SYTL2: variants seen among roughly 807,000 people sequenced by gnomAD.
SYTL2 encodes the protein synaptotagmin-like protein 2.
Under a neutral mutation model 198.7 loss-of-function variants are expected in SYTL2, and 165 were observed. The ratio of observed to expected loss-of-function variants is 0.83; its 90% CI spans 0.73 to 0.94. The LOEUF (loss-of-function observed/expected upper bound fraction) is 0.94. Among genes scored for constraint, SYTL2 ranks in the 40% least tolerant of loss-of-function variants. The probability of loss-of-function intolerance (pLI) is 0.00; values close to 1 mark genes in which losing one functional copy is unlikely to be tolerated. For missense variants in SYTL2, 2,835 were observed against 2,582.8 expected, an observed-to-expected ratio of 1.10 and a Z score of -2.12; for synonymous variants, 966 against 917.7, an observed-to-expected ratio of 1.05 and a Z score of -0.95.
chr11:85,816,236 T>C, the SYTL2 span, among the ~76,000 whole-genome samples: 5 of 152,262 alleles, frequency 3.3e-5, no homozygotes, highest in South Asian at 8.3e-4. Context: ...TTCCCTCAGA[T>C]ATGTATGTGT....
chr11:85,785,062 A>C (rs2092615642), intron 1 of SYTL2, among the ~76,000 whole-genome samples: 1 of 152,158 alleles, frequency 6.6e-6, no homozygotes, highest in Admixed American at 6.6e-5. Flanking sequence ...GAGAAGTGGG[A>C]GGTGAGAAAG....
chr11:85,711,048 T>C lies in SYTL2; in HGVS notation c.5745+65A>G, dbSNP rs1380177982. On this transcript the variant is annotated intron_variant, in intron 13 of 19. Coordinates refer to ENST00000359152, the MANE Select transcript of SYTL2 (RefSeq NM_206927.4). ...GGAGGAGGCTGTTTTACAATGAGCATGAGCATGTCAGAGCAAGGTTCAGAG... is the reference window on the plus strand; with the variant it reads ...GGAGGAGGCTGTTTTACAATGAGCACGAGCATGTCAGAGCAAGGTTCAGAG... The C allele has an allele frequency of 3.8e-6, 6 of 1,563,226 alleles. No individual in the cohort carries two copies. The African/African-American group carries it at 8.2e-5, about 21-fold the overall frequency.
intron 13 of SYTL2, among the ~76,000 whole-genome samples, chr11:85,709,961 G>T (rs1045874604): frequency 6.6e-6 from 1 of 152,158 alleles, no homozygotes; most frequent in Non-Finnish European, 1.5e-5. Context: ...GGAATTACAG[G>T]CATGAGCCAC....
At chr11:85,827,082 A>G in the SYTL2 span, among the ~76,000 whole-genome samples, 1 of 152,222 alleles carries the variant, frequency 6.6e-6, no homozygotes, top group Non-Finnish European at 1.5e-5. Context: ...AGGATGTCAG[A>G]GTCAGAGGGG....
the SYTL2 span, among the ~76,000 whole-genome samples, chr11:85,830,279 A>G: frequency 1.2e-4 from 19 of 152,164 alleles, no homozygotes; most frequent in Admixed American, 2.0e-4. Context: ...TTGAAAACCA[A>G]TGGTCTACTG....
chr11:85,725,016 ATCCAACT>A lies in SYTL2; in HGVS notation c.4335_4341del (p.Glu1445AspfsTer4). 6.2e-7 allele frequency: 1 copy of A among 1,614,160 alleles called. No individual in the cohort carries two copies. Among genetic ancestry groups the A allele is most frequent in the Admixed American group, 1.7e-5 (1 of 60,028 alleles). ...GGAGACATTTGGGCAGCTAAATAAG[ATCCAACT>A]TCATGAGTTTTATCAGGAACTACAT... On this transcript the variant is annotated frameshift_variant, in exon 8 of 20. Transcript: ENST00000359152. LOFTEE classifies it high-confidence loss of function.
intron 8 of SYTL2, among the ~76,000 whole-genome samples, chr11:85,721,344 A>G (rs2088279112): frequency 6.6e-6 from 1 of 152,186 alleles, no homozygotes. Flanking sequence ...AAATTAATTC[A>G]AAACCGTGGA....
At chr11:85,820,167 A>G in the SYTL2 span, among the ~76,000 whole-genome samples, 2 of 152,260 alleles carry the variant, frequency 1.3e-5, no homozygotes, top group Non-Finnish European at 2.9e-5. Context: ...ATGCAACTTT[A>G]TCACCAATAG....
the SYTL2 span, among the ~76,000 whole-genome samples, chr11:85,847,989 G>T: frequency 6.6e-6 from 1 of 152,152 alleles, no homozygotes; most frequent in Non-Finnish European, 1.5e-5. Context: ...CACTTTGGGA[G>T]GCTAAGGCGG....
chr11:85,818,980 C>A, the SYTL2 span, among the ~76,000 whole-genome samples: 1 of 152,112 alleles, frequency 6.6e-6, no homozygotes, highest in African/African-American at 2.4e-5. Flanking sequence ...CCTCGGTGTC[C>A]TTATCTCTAA....
rs746332157 is a variant in SYTL2, at chr11:85,725,717, T to C, written c.3641A>G (p.Asp1214Gly). The change falls in exon 8 of 20, where the codon GAC becomes GGC. Residue 1214 changes from aspartate (D) to glycine (G), a missense_variant. Transcript: ENST00000359152. ...TCCAGTTGCTTCCTTCAGGAGTTTG[T>C]CTAGACTAGCAGTCAAAGAGTTCCG... Reference protein sequence around the residue: ...VKRNSLTASLDKLLKEATGTS... With the variant: ...VKRNSLTASLGKLLKEATGTS... The C allele has an allele frequency of 7.4e-6, 12 of 1,614,100 alleles. No individual in the cohort carries two copies. The South Asian group carries it at 9.9e-5, about 13-fold the overall frequency.
chr11:85,822,182 G>T, the SYTL2 span, among the ~76,000 whole-genome samples: 2 of 152,226 alleles, frequency 1.3e-5, no homozygotes, highest in Non-Finnish European at 2.9e-5. Context: ...TCCTCTCAAA[G>T]TCTGTTCTTG....
At chr11:85,769,505 T>C (rs1178430727) in intron 1 of SYTL2, among the ~76,000 whole-genome samples, 1 of 152,244 alleles carries the variant, frequency 6.6e-6, no homozygotes, top group Non-Finnish European at 1.5e-5. Flanking sequence ...CTCTTGATTT[T>C]AGCCTGTAAG....
intron 2 of SYTL2, among the ~76,000 whole-genome samples, 153 bp from the exon 3 acceptor site, chr11:85,748,576 G>A (rs772252585): frequency 6.6e-6 from 1 of 152,212 alleles, no homozygotes; most frequent in Non-Finnish European, 1.5e-5. Flanking sequence ...ACTAACAAGT[G>A]TATGTTCACC....
At chr11:85,845,177 C>T in the SYTL2 span, among the ~76,000 whole-genome samples, 1 of 152,176 alleles carries the variant, frequency 6.6e-6, no homozygotes, top group African/African-American at 2.4e-5. Context: ...CAGCACCTTG[C>T]TTTTACCCCT....
rs1482931607 is a variant in SYTL2 at position 85,725,918 on chromosome 11, G to A, written c.3440C>T (p.Ala1147Val). 5 of 1,613,998 alleles carry A rather than the reference G, an allele frequency of 3.1e-6. No homozygotes were observed. The highest frequency in any genetic ancestry group is 4.2e-6 in the Non-Finnish European group (5 of 1,179,994). The change falls in exon 8 of 20, where the codon GCA becomes GTA. Residue 1147 changes from alanine to valine, a missense_variant. Physicochemically the swap from Ala to Val is moderately conservative, Grantham distance 64. This residue lies in a region of SYTL2 where 2,645 missense variants were observed against 2,381.7 expected (regional missense o/e 1.11). Transcript: ENST00000359152. ...QKLLSETSTPAIQPSGGKVHG... is the reference protein window; with the variant it reads ...QKLLSETSTPVIQPSGGKVHG... ...AACTTTTCCACCAGAGGGTTGAATTGCTGGTGTTGAGGTTTCTGAAAGCAG... is the reference window on the plus strand; with the variant it reads ...AACTTTTCCACCAGAGGGTTGAATTACTGGTGTTGAGGTTTCTGAAAGCAG...
intron 1 of SYTL2, among the ~76,000 whole-genome samples, chr11:85,788,670 C>T (rs2092675247): frequency 2.0e-5 from 3 of 152,154 alleles, no homozygotes; most frequent in African/African-American, 7.2e-5. Context: ...CATTCCTTTT[C>T]CCTTCCTCTT....
intron 14 of SYTL2, 120 bp downstream of exon 14, chr11:85,709,211 T>C (rs2085802634): frequency 2.1e-6 from 2 of 947,118 alleles, no homozygotes; most frequent in East Asian, 2.4e-5. Flanking sequence ...CCCCCAACTT[T>C]TCAAACATTC....
Position 85,709,316 on chromosome 11 carries a change from CTAAAAT to C in SYTL2, c.5915+9_5915+14del. On this transcript the variant is annotated intron_variant, in intron 14 of 19. Transcript: ENST00000359152. ...GAGAACTAAGAGAAGGTAGGTGACTCTAAAATGTACTTACGGGTCTGAACGCTGTTT... is the reference window on the plus strand; with the variant it reads ...GAGAACTAAGAGAAGGTAGGTGACTCGTACTTACGGGTCTGAACGCTGTTT... 1 of 1,613,492 alleles carries C rather than the reference CTAAAAT, an allele frequency of 6.2e-7. No individual in the cohort carries two copies. The highest frequency in any genetic ancestry group is 2.2e-5 in the East Asian group (1 of 44,868).
Sources: allele counts gnomAD v4.1 joint callset (sites outside exome capture counted in the v4.1 genomes callset), GRCh38; gene constraint gnomAD v4.1.1; regional missense constraint gnomAD v4.1.1; transcripts MANE v1.5; gene names NCBI Gene and HGNC (gene_info 2026-07-23, HGNC 2026-07-21).